Variants in PAX5 observed in about 807,000 individuals in gnomAD.
PAX5 encodes the protein paired box protein Pax-5.
PAX5 carries 9 observed loss-of-function variants against 43.7 expected under a neutral mutation model. The ratio of observed to expected loss-of-function variants is 0.21; its 90% CI spans 0.12 to 0.36. The LOEUF (loss-of-function observed/expected upper bound fraction) is 0.36, where lower values mean the gene tolerates loss of function less well. PAX5 is among the 10% of genes least tolerant of loss of function. The pLI, the probability that PAX5 is intolerant of heterozygous loss-of-function variation, is 1.00. For missense variants in PAX5, 383 were observed against 532.7 expected (o/e 0.72, Z 2.77); for synonymous variants, 228 against 214.3 (o/e 1.06, Z -0.56).
intron 5 of PAX5, among the ~76,000 whole-genome samples, chr9:36,967,099 G>T (rs899780807): frequency 6.6e-6 from 1 of 152,158 alleles, no homozygotes; most frequent in South Asian, 2.1e-4. Context: ...TTAGTCATCC[G>T]GTGCTCCTGC....
At chr9:36,975,058 C>A (rs546895065) in intron 5 of PAX5, among the ~76,000 whole-genome samples, 1 of 152,346 alleles carries the variant, frequency 6.6e-6, no homozygotes, top group South Asian at 2.1e-4. Context: ...AGGCTGAATT[C>A]ACCACCCTTT....
In PAX5 at chr9:36,833,871, A is replaced by ATTT. The variant is rs11378713; in HGVS notation, c.*6686_*6688dup. On this transcript the variant is annotated 3_prime_UTR_variant, in exon 10 of 10. Transcript: ENST00000358127. ...TGTTGGTTTTTTTGTATTTTTTTGT[A>ATTT]TTTTTTTTTTTTTACAAGTAAGCGT... The ATTT allele has an allele frequency of 7.8e-5, 17 of 217,778 alleles. No individual in the cohort carries two copies. Among genetic ancestry groups the ATTT allele is most frequent in the Non-Finnish European group, 1.2e-4 (13 of 111,132 alleles). The allele number at this position is 217,778 out of a possible 1,614,324, so 13.5% of individuals were successfully genotyped here.
intron 6 of PAX5, among the ~76,000 whole-genome samples, chr9:36,926,055 C>T (rs1041030317): frequency 6.6e-6 from 1 of 152,194 alleles, no homozygotes; most frequent in African/African-American, 2.4e-5. Context: ...ACAGTCACCC[C>T]TTGAAGCAGG....
intron 7 of PAX5, among the ~76,000 whole-genome samples, chr9:36,893,743 G>A (rs1178505622): frequency 3.9e-5 from 6 of 152,206 alleles, no homozygotes; most frequent in African/African-American, 1.2e-4. Context: ...GATAGTCTGG[G>A]GTACTTGGTG....
intron 6 of PAX5, among the ~76,000 whole-genome samples, chr9:36,962,486 C>T (rs1469469033): frequency 6.6e-6 from 1 of 152,218 alleles, no homozygotes. Context: ...AGGCATTTGC[C>T]TCGGGGGTCC....
intron 8 of PAX5, among the ~76,000 whole-genome samples, chr9:36,877,012 A>ACAG (rs1825971336): frequency 6.6e-6 from 1 of 152,218 alleles, no homozygotes; most frequent in African/African-American, 2.4e-5. Context: ...TGTGTCCTCC[A>ACAG]AGCACATTTA....
intron 7 of PAX5, among the ~76,000 whole-genome samples, chr9:36,907,404 TG>T (rs1378081599): frequency 1.3e-5 from 2 of 152,106 alleles, no homozygotes; most frequent in African/African-American, 4.8e-5. Context: ...CCGCATAGCA[TG>T]GGGGAGGCCA....
chr9:36,913,659 T>C (rs990217469), intron 7 of PAX5, among the ~76,000 whole-genome samples: 1 of 152,210 alleles, frequency 6.6e-6, no homozygotes, highest in African/African-American at 2.4e-5. Context: ...CCCTAGCTGG[T>C]AGAGCAGGTG....
chr9:36,973,830 A>G (rs1835193480), intron 5 of PAX5, among the ~76,000 whole-genome samples: 1 of 151,980 alleles, frequency 6.6e-6, no homozygotes, highest in Non-Finnish European at 1.5e-5. Flanking sequence ...ATATGGTAAA[A>G]CCCCGTCTCT....
chr9:36,909,548 T>C (rs1420447918), intron 7 of PAX5, among the ~76,000 whole-genome samples: 2 of 151,932 alleles, frequency 1.3e-5, no homozygotes, highest in East Asian at 1.9e-4. Context: ...GAGAGAGGGG[T>C]TTCTGTTGGG....
intron 1 of PAX5, among the ~76,000 whole-genome samples, chr9:37,028,552 C>T (rs1270561191): frequency 6.6e-6 from 1 of 152,262 alleles, no homozygotes; most frequent in East Asian, 1.9e-4. Flanking sequence ...AGCAGAGTGG[C>T]TGGCCCTCTT....
intron 6 of PAX5, among the ~76,000 whole-genome samples, chr9:36,931,378 G>C (rs898790317): frequency 6.6e-6 from 1 of 152,166 alleles, no homozygotes; most frequent in African/African-American, 2.4e-5. Flanking sequence ...GATGCTCTTT[G>C]CCTCTATCAC....
Position 37,015,310 on chromosome 9 carries a change from T to C in PAX5, c.213-116A>G. On this transcript the variant is annotated intron_variant, in intron 2 of 9. Transcript: ENST00000358127. The surrounding 1 kb of genome is among the most constrained non-coding windows in gnomAD (Gnocchi z 4.4). ...TCCGGATCTGCACGTTCCAATACAG[T>C]AGCCACCAGCCAGATGCGGCTTTTG... 1.3e-6 allele frequency: 1 copy of C among 793,800 alleles called. No individual in the cohort carries two copies. The highest frequency in any genetic ancestry group is 1.8e-5 in the South Asian group (1 of 56,194). 49.2% of individuals were successfully genotyped at this position (793,800 alleles called of 1,614,324 possible). A position where few individuals can be genotyped will look rare whatever the true frequency, so the allele number is the denominator to read the frequency against.
chr9:36,939,778 GGAGA>G (rs1209616424), intron 6 of PAX5, among the ~76,000 whole-genome samples: 1 of 152,092 alleles, frequency 6.6e-6, no homozygotes, highest in Admixed American at 6.5e-5. Flanking sequence ...AAAAAAAGAG[GGAGA>G]GAGAGAGGGA....
chr9:36,948,791 G>A (rs1209609938), intron 6 of PAX5, among the ~76,000 whole-genome samples: 2 of 151,282 alleles, frequency 1.3e-5, no homozygotes, highest in Non-Finnish European at 2.9e-5. Flanking sequence ...TAGCCACTTT[G>A]TCTCCCTGCG....
chr9:36,837,294 C>G lies in PAX5; in HGVS notation c.*3266G>C. The G allele has an allele frequency of 4.3e-6, 1 of 233,240 alleles. No individual in the cohort carries two copies. The highest frequency in any genetic ancestry group is 2.2e-5 in the African/African-American group (1 of 45,448). The allele number at this position is 233,240 out of a possible 1,614,324, so 14.4% of individuals were successfully genotyped here. ...TGGTTGAGGATTGCAAAGCACCGTA[C>G]AATGTCAGTTATGGAAGGGCTAGCC... On this transcript the variant is annotated 3_prime_UTR_variant, in exon 10 of 10. Transcript: ENST00000358127.
At chr9:36,927,811 C>T (rs1189163012) in intron 6 of PAX5, among the ~76,000 whole-genome samples, 5 of 151,768 alleles carry the variant, frequency 3.3e-5, no homozygotes, top group South Asian at 2.1e-4. Context: ...CGGGTTCAAG[C>T]GATTCTCCTG....
intron 3 of PAX5, among the ~76,000 whole-genome samples, chr9:37,011,015 G>T (rs1208837254): frequency 1.3e-5 from 2 of 151,958 alleles, no homozygotes; most frequent in African/African-American, 4.8e-5. Context: ...TAGCTACTTG[G>T]GAAGCTGAGG....
intron 7 of PAX5, among the ~76,000 whole-genome samples, chr9:36,902,881 A>G (rs1400995649): frequency 6.6e-6 from 1 of 152,222 alleles, no homozygotes; most frequent in Non-Finnish European, 1.5e-5. Flanking sequence ...GAAAGACCCC[A>G]TAAGGCTGCC....
Sources: allele counts gnomAD v4.1 joint callset (sites outside exome capture counted in the v4.1 genomes callset), GRCh38; gene constraint gnomAD v4.1.1; non-coding constraint Gnocchi (gnomAD v3.1); transcripts MANE v1.5; gene names NCBI Gene and HGNC (gene_info 2026-07-23, HGNC 2026-07-21).